The following EPYC variants were observed in gnomAD, a reference collection of about 807,000 sequenced individuals.
EPYC encodes dermatan sulfate proteoglycan 3.
A neutral mutation model predicts 30.1 loss-of-function variants in EPYC; 28 were observed. The ratio of observed to expected loss-of-function variants is 0.93; its 90% CI spans 0.69 to 1.28. The LOEUF is 1.28. Ranked by LOEUF, EPYC falls within the 50% of genes most tolerant of loss-of-function variation. The pLI is 0.00. For missense variants in EPYC, 382 were observed against 383.5 expected (o/e 1.00, Z 0.03); for synonymous variants, 144 against 141.4 (o/e 1.02, Z -0.13).
chr12:91,002,304 C>T (rs1026660361), intron 2 of EPYC, 97 bp downstream of exon 2: 1 of 948,932 alleles, frequency 1.1e-6, no homozygotes, highest in Non-Finnish European at 1.5e-6. Context: ...AATCTTTCTA[C>T]TTATAAAAAA....
chr12:91,002,289 CAT>C (rs1338220179), intron 2 of EPYC, 110 bp downstream of exon 2: 3 of 682,804 alleles, frequency 4.4e-6, no homozygotes, highest in Non-Finnish European at 6.6e-6. Flanking sequence ...AAATTATTAA[CAT>C]AAAATCTTTC....
chr12:91,004,314 T>A (rs1291715413), intron 1 of EPYC, among the ~76,000 whole-genome samples: 1 of 152,244 alleles, frequency 6.6e-6, no homozygotes, highest in East Asian at 1.9e-4. Context: ...CCTAGAGCTA[T>A]CAACTATAAG....
rs779410161 is a variant in EPYC at position 90,970,088 on chromosome 12, T to A, written c.754A>T (p.Ile252Phe). 26 of 1,613,914 alleles carry A rather than the reference T, an allele frequency of 1.6e-5. No homozygotes were observed. The highest frequency in any genetic ancestry group is 2.2e-5 in the Non-Finnish European group (26 of 1,179,910). The change falls in exon 6 of 7, where the codon ATC becomes TTC. Residue 252 changes from isoleucine (I) to phenylalanine (F), a missense_variant. Transcript: ENST00000261172. ...LYLTDNNLDH[I>F]PLPLPENLRA... is the part of the protein sequence containing the mutation. ...AGATTTTCTGGGAGTGGCAGAGGGA[T>A]GTGGTCCAAGTTGTTATCAGTGAGG... is the stretch of plus-strand genomic sequence containing the variant.
At chr12:90,969,922 A>G in intron 6 of EPYC, 122 bp downstream of exon 6, 1 of 707,676 alleles carries the variant, frequency 1.4e-6, no homozygotes, top group Non-Finnish European at 2.5e-6. Flanking sequence ...GAAAAGAGAA[A>G]AAGAAGAAAA....
At chr12:91,001,079 C>T (rs1207656074) in intron 2 of EPYC, among the ~76,000 whole-genome samples, 1 of 151,088 alleles carries the variant, frequency 6.6e-6, no homozygotes, top group Non-Finnish European at 1.5e-5. Context: ...CTAAACTTTA[C>T]TAAAGAGAGG....
intron 2 of EPYC, among the ~76,000 whole-genome samples, chr12:90,994,057 C>A (rs897360969): frequency 6.6e-6 from 1 of 152,118 alleles, no homozygotes; most frequent in African/African-American, 2.4e-5. Context: ...TCTTTTTAAA[C>A]TTCCTCTATT....
At chr12:90,998,124 G>A (rs1877738502) in intron 2 of EPYC, among the ~76,000 whole-genome samples, 1 of 151,986 alleles carries the variant, frequency 6.6e-6, no homozygotes, top group South Asian at 2.1e-4. Flanking sequence ...TCATAATTTT[G>A]TTGTGAGAAA....
intron 2 of EPYC, among the ~76,000 whole-genome samples, chr12:90,980,701 T>C (rs1920777): frequency 0.89 from 134,738 of 152,158 alleles, 59,665 homozygotes; most frequent in South Asian, 0.95. Flanking sequence ...AAAATCCCTG[T>C]CTTTTTTCTC....
intron 6 of EPYC, among the ~76,000 whole-genome samples, chr12:90,964,883 A>G (rs1208447825): frequency 6.6e-6 from 1 of 152,116 alleles, no homozygotes; most frequent in Non-Finnish European, 1.5e-5. Flanking sequence ...ACCTAGGTTT[A>G]TTTACTGTAT....
chr12:91,001,414 TTTTG>T (rs1363872893), intron 2 of EPYC, among the ~76,000 whole-genome samples: 1 of 152,122 alleles, frequency 6.6e-6, no homozygotes, highest in Non-Finnish European at 1.5e-5. Context: ...TAATTTCTCT[TTTTG>T]TTTATTTATA....
chr12:90,986,699 C>T (rs1877455876), intron 2 of EPYC, among the ~76,000 whole-genome samples: 1 of 152,138 alleles, frequency 6.6e-6, no homozygotes, highest in African/African-American at 2.4e-5. Flanking sequence ...CTGTACCAAC[C>T]TAGCATATAC....
At chr12:90,965,750 C>A (rs1478004451) in intron 6 of EPYC, among the ~76,000 whole-genome samples, 1 of 151,962 alleles carries the variant, frequency 6.6e-6, no homozygotes, top group African/African-American at 2.4e-5. Context: ...AGTCGTAAGT[C>A]TTCTGATTCA....
At chr12:90,966,015 C>A (rs1374408901) in intron 6 of EPYC, among the ~76,000 whole-genome samples, 1 of 151,788 alleles carries the variant, frequency 6.6e-6, no homozygotes, top group Non-Finnish European at 1.5e-5. Context: ...TTTATTAGTT[C>A]AACTAGTTTT....
In EPYC at chr12:90,976,953, T is replaced by C. The variant is rs183925718; in HGVS notation, c.340+1135A>G. Among the ~76,000 whole-genome samples, 4 of 152,242 alleles carry C rather than the reference T, an allele frequency of 2.6e-5. 1 individual carries two copies. The highest frequency in any genetic ancestry group is 7.2e-5 in the African/African-American group (3 of 41,546). On this transcript the variant is annotated intron_variant, in intron 3 of 6. Transcript: ENST00000261172. ...CATGATTTTGAGGCCTCCTCAGCCA[T>C]GTGGAACTGTGAATCCATTAAACCT...
At chr12:90,966,766 T>G (rs1243555599) in intron 6 of EPYC, among the ~76,000 whole-genome samples, 1 of 152,032 alleles carries the variant, frequency 6.6e-6, no homozygotes, top group African/African-American at 2.4e-5. Context: ...CATGTGGGAG[T>G]GGGTTGTCTT....
At chr12:90,987,175 A>G (rs1877470482) in intron 2 of EPYC, among the ~76,000 whole-genome samples, 1 of 152,158 alleles carries the variant, frequency 6.6e-6, no homozygotes, top group South Asian at 2.1e-4. Context: ...TTCAAAGGGT[A>G]TCAACCTAAT....
At chr12:90,983,005 G>T (rs780470302) in intron 2 of EPYC, among the ~76,000 whole-genome samples, 24 of 152,106 alleles carry the variant, frequency 1.6e-4, no homozygotes, top group Non-Finnish European at 2.5e-4. Context: ...TATATACCCA[G>T]TAGTGGGCTT....
At chr12:90,978,043 ATGACAAAG>A (rs767832291) in intron 3 of EPYC, 37 bp downstream of exon 3, 1 of 1,485,720 alleles carries the variant, frequency 6.7e-7, no homozygotes, top group South Asian at 1.4e-5. Context: ...AGTTTTGAGG[ATGACAAAG>A]TGGACTCAAT....
intron 2 of EPYC, among the ~76,000 whole-genome samples, chr12:90,995,304 C>A (rs575226499): frequency 6.6e-6 from 1 of 152,086 alleles, no homozygotes; most frequent in African/African-American, 2.4e-5. Context: ...CCTTTAAACA[C>A]TTTGACAGCT....
Sources: gnomAD v4.1 joint callset for allele counts (sites outside exome capture counted in the v4.1 genomes callset) on GRCh38, gnomAD v4.1.1 for gene constraint, MANE v1.5 for transcripts, NCBI Gene and HGNC (gene_info 2026-07-23, HGNC 2026-07-21) for gene names.